HPCAL1: variants seen among roughly 807,000 people sequenced by gnomAD.
HPCAL1 encodes hippocalcin like 1.
Under a neutral mutation model 17.1 loss-of-function variants are expected in HPCAL1, and 8 were observed. The ratio of observed to expected loss-of-function variants is 0.47; its 90% confidence interval spans 0.27 to 0.84. The LOEUF is 0.84. Among genes scored for constraint, HPCAL1 ranks in the 40% least tolerant of loss-of-function variants. The pLI is 0.13. For synonymous variants in HPCAL1, 112 were observed against 111.4 expected (o/e 1.01, Z -0.03); for missense variants, 165 against 271.1 (o/e 0.61, Z 2.75).
chr2:10,312,618 GCCATCA>G (rs1663058090), intron 1 of HPCAL1, among the ~76,000 whole-genome samples: 1 of 118,656 alleles, frequency 8.4e-6, no homozygotes, highest in Non-Finnish European at 1.7e-5. Context: ...CACCACCATT[GCCATCA>G]CCATCACCAT....
At chr2:10,336,385 C>T (rs989447466) in intron 1 of HPCAL1, among the ~76,000 whole-genome samples, 11 of 152,214 alleles carry the variant, frequency 7.2e-5, no homozygotes, top group African/African-American at 2.4e-4. Context: ...CAGTTAGCAG[C>T]GTATTGAGAA....
In HPCAL1 at chr2:10,420,021, G is replaced by A. The variant is rs1353794158; in HGVS notation, c.264G>A (p.Ala88=). ...TCGACTTCCGGGAGTTCATCATTGC[G>A]CTGAGCGTGACCTCGCGGGGCAAGC... ...GTIDFREFII[A]LSVTSRGKLE... is the part of the protein sequence containing the mutation. Residue 88 remains alanine (A), a synonymous_variant, in exon 3 of 5, where the codon GCG becomes GCA. Transcript: ENST00000307845. 2 of 1,613,980 alleles carry A rather than the reference G, an allele frequency of 1.2e-6. No individual in the cohort carries two copies. The highest frequency in any genetic ancestry group is 2.7e-5 in the African/African-American group (2 of 75,054).
At position 10,344,915 on chromosome 2, in the gene HPCAL1, G is replaced by C. The variant is rs966783978; in HGVS notation, c.-111+41738G>C. 2.0e-5 allele frequency among the ~76,000 whole-genome samples: 3 copies of C among 149,326 alleles called. No homozygotes were observed. The highest frequency in any genetic ancestry group is 4.9e-5 in the African/African-American group (2 of 40,426). ...TGTCCGTTTCTCTTTCTCTCTGTGT[G>C]TCTCTCTCTCTGTGCCTTTCAGTCT... On this transcript the variant is annotated intron_variant, in intron 1 of 4. Transcript: ENST00000307845. The surrounding 1 kb of genome is among the most constrained non-coding windows in gnomAD (Gnocchi z 4.9).
intron 2 of HPCAL1, among the ~76,000 whole-genome samples, chr2:10,405,483 C>A (rs138230391): frequency 6.6e-6 from 1 of 152,252 alleles, no homozygotes; most frequent in Non-Finnish European, 1.5e-5. Context: ...GAGTTGGCCC[C>A]GTAGTCTCAG....
chr2:10,332,842 T>C (rs938649523), intron 1 of HPCAL1, among the ~76,000 whole-genome samples: 1 of 151,930 alleles, frequency 6.6e-6, no homozygotes, highest in Non-Finnish European at 1.5e-5. Flanking sequence ...TGGTCAGATG[T>C]GAAGGGCGTG....
At position 10,427,034 on chromosome 2, in the gene HPCAL1, G is replaced by A. The variant is rs965120549; in HGVS notation, c.*213G>A. On this transcript the variant is annotated 3_prime_UTR_variant, in exon 5 of 5. Coordinates refer to ENST00000307845, the MANE Select transcript of HPCAL1 (RefSeq NM_002149.4). Reference sequence around the variant, plus strand: ...TCACGCCTGGCCCGGTCCCTTCCAGGGCAACTCCCAGGGATGTGGTGACAT... The same window carrying A: ...TCACGCCTGGCCCGGTCCCTTCCAGAGCAACTCCCAGGGATGTGGTGACAT... 2 of 569,072 alleles carry A rather than the reference G, an allele frequency of 3.5e-6. No homozygotes were observed. The highest frequency in any genetic ancestry group is 2.0e-5 in the South Asian group (1 of 50,004). 35.3% of individuals were successfully genotyped at this position (569,072 alleles called of 1,614,324 possible). A position where few individuals can be genotyped will look rare whatever the true frequency, so the allele number is the denominator to read the frequency against.
At chr2:10,375,663 C>A (rs1667511851) in intron 1 of HPCAL1, among the ~76,000 whole-genome samples, 1 of 152,180 alleles carries the variant, frequency 6.6e-6, no homozygotes, top group Non-Finnish European at 1.5e-5. Flanking sequence ...AGGGTGCTTA[C>A]CTTCCAGACT....
intron 1 of HPCAL1, among the ~76,000 whole-genome samples, chr2:10,349,008 C>A (rs532578145): frequency 6.6e-6 from 1 of 152,190 alleles, no homozygotes; most frequent in African/African-American, 2.4e-5. Flanking sequence ...AAAGTAGCCA[C>A]GCATTTGAGC....
rs868261852 is a variant in HPCAL1 at position 10,353,244 on chromosome 2, T to C, written c.-110-43591T>C. On this transcript the variant is annotated intron_variant, in intron 1 of 4. Coordinates refer to ENST00000307845, the MANE Select transcript of HPCAL1 (RefSeq NM_002149.4). ...GTTTGTCTGAGAACCAGCTGAGGCC[T>C]GTGTTGCGCATGGGACCTACTATTA... 3.3e-5 allele frequency among the ~76,000 whole-genome samples: 5 copies of C among 152,248 alleles called. No individual in the cohort carries two copies. The South Asian group carries it at 8.3e-4, about 25-fold the overall frequency.
chr2:10,305,575 C>G (rs1163316307), intron 1 of HPCAL1, among the ~76,000 whole-genome samples: 1 of 152,172 alleles, frequency 6.6e-6, no homozygotes, highest in Non-Finnish European at 1.5e-5. Context: ...TGTGTGATAA[C>G]AATTTGGGAG....
rs1324800835 is a variant in HPCAL1, at chr2:10,363,779, T to C, written c.-110-33056T>C. Reference sequence around the variant, plus strand: ...AGGCTTGTTTCGGATCTCCAGTCCTTGTGTGGGCTGCGTGACCTTGGATGA... The same window carrying C: ...AGGCTTGTTTCGGATCTCCAGTCCTCGTGTGGGCTGCGTGACCTTGGATGA... On this transcript the variant is annotated intron_variant, in intron 1 of 4. Transcript: ENST00000307845. This position sits in a 1 kb window ranked among gnomAD's most constrained non-coding sequence, Gnocchi z 4.7. Among the ~76,000 whole-genome samples, 1 of 152,200 alleles carries C rather than the reference T, an allele frequency of 6.6e-6. No individual in the cohort carries two copies. The highest frequency in any genetic ancestry group is 1.9e-4 in the East Asian group (1 of 5,192).
intron 1 of HPCAL1, among the ~76,000 whole-genome samples, chr2:10,311,342 T>C (rs1379553198): frequency 1.3e-5 from 2 of 152,132 alleles, no homozygotes; most frequent in Non-Finnish European, 2.9e-5. Flanking sequence ...CGAGTAAAGG[T>C]AGACGCAGGG....
At chr2:10,335,928 T>C (rs1023542648) in intron 1 of HPCAL1, among the ~76,000 whole-genome samples, 1 of 152,274 alleles carries the variant, frequency 6.6e-6, no homozygotes, top group African/African-American at 2.4e-5. Flanking sequence ...CTGCTGTAAA[T>C]TAATTGCATG....
chr2:10,350,344 G>C (rs1281357846), intron 1 of HPCAL1, among the ~76,000 whole-genome samples: 1 of 148,730 alleles, frequency 6.7e-6, no homozygotes, highest in Non-Finnish European at 1.5e-5. Context: ...TTTTGAGGCA[G>C]GGTCTTGCTC....
At chr2:10,417,363 C>CAA (rs956480768) in intron 2 of HPCAL1, among the ~76,000 whole-genome samples, 1 of 140,782 alleles carries the variant, frequency 7.1e-6, no homozygotes, top group African/African-American at 2.6e-5. Flanking sequence ...AACTCCCTCT[C>CAA]AAAAAAAAAC....
At chr2:10,312,549 A>G (rs570447598) in intron 1 of HPCAL1, among the ~76,000 whole-genome samples, 1 of 150,510 alleles carries the variant, frequency 6.6e-6, no homozygotes, top group South Asian at 2.1e-4. Context: ...CACCATCACC[A>G]TCATCACTGT....
chr2:10,392,665 T>TGCGGGAGTGGAAGCA (rs35306548), intron 1 of HPCAL1, among the ~76,000 whole-genome samples: 27,916 of 151,976 alleles, frequency 0.18, 2,789 homozygotes, highest in African/African-American at 0.26. Flanking sequence ...ATTTTACAAA[T>TGCGGGAGTGGAAGCA]GCGGGAGTGG....
At chr2:10,418,055 AATAG>A (rs974412474) in intron 2 of HPCAL1, among the ~76,000 whole-genome samples, 19 of 152,064 alleles carry the variant, frequency 1.2e-4, no homozygotes, top group African/African-American at 3.1e-4. Flanking sequence ...ATAAATAAAA[AATAG>A]ATAGATAGAT....
At chr2:10,321,651 C>A (rs866743829) in intron 1 of HPCAL1, among the ~76,000 whole-genome samples, 1 of 152,084 alleles carries the variant, frequency 6.6e-6, no homozygotes, top group African/African-American at 2.4e-5. Flanking sequence ...GCCCTGGAAA[C>A]CAATAATTTA....
Sources: allele counts gnomAD v4.1 joint callset (sites outside exome capture counted in the v4.1 genomes callset), GRCh38; gene constraint gnomAD v4.1.1; non-coding constraint Gnocchi (gnomAD v3.1); transcripts MANE v1.5; gene names NCBI Gene and HGNC (gene_info 2026-07-23, HGNC 2026-07-21).